SNX18: variants seen among roughly 807,000 people sequenced by gnomAD.
The protein encoded by SNX18 is sorting nexin 18.
Under a neutral mutation model 48.7 loss-of-function variants are expected in SNX18, and 35 were observed. The ratio of observed to expected loss-of-function variants is 0.72; its 90% CI spans 0.55 to 0.95. SNX18 has a LOEUF of 0.95. SNX18 is among the 40% of genes least tolerant of loss of function. SNX18 has a pLI of 0.00. For synonymous variants in SNX18, 492 were observed against 384.7 expected, an observed-to-expected ratio of 1.28 and a Z score of -3.26; for missense variants, 824 against 871.0, an observed-to-expected ratio of 0.95 and a Z score of 0.68.
At chr5:54,632,373 GTT>G in the SNX18 span, among the ~76,000 whole-genome samples, 1 of 152,212 alleles carries the variant, frequency 6.6e-6, no homozygotes, top group Non-Finnish European at 1.5e-5. Context: ...GGAATCTGGA[GTT>G]TTGACTGCCC....
In SNX18 at chr5:54,517,986, A is replaced by G. The variant is rs370346240; in HGVS notation, c.34A>G (p.Arg12Gly). The change falls in exon 1 of 2, where the codon AGG becomes GGG. Residue 12 changes from arginine to glycine, a missense_variant. Physicochemically the swap from Arg to Gly is moderately radical, Grantham distance 125. Around this residue, in one of 3 missense-constraint regions of SNX18, gnomAD observed 377 missense variants for 350.6 expected, o/e 1.08. Transcript: ENST00000381410. ...GCGCGCCCGGGCGCTGTACGACTTC[A>G]GGTCGGAGAACCCAGGAGAGATCTC... is the stretch of plus-strand genomic sequence containing the variant. Reference protein sequence around the residue: ...ALRARALYDFRSENPGEISLR... With the variant: ...ALRARALYDFGSENPGEISLR... 1.9e-5 allele frequency: 29 copies of G among 1,538,704 alleles called. No individual in the cohort carries two copies. The highest frequency in any genetic ancestry group is 2.5e-5 in the Non-Finnish European group (29 of 1,144,774).
the SNX18 span, among the ~76,000 whole-genome samples, chr5:54,579,490 A>C: frequency 6.6e-6 from 1 of 152,162 alleles, no homozygotes; most frequent in African/African-American, 2.4e-5. Context: ...TGAGCCAACA[A>C]GTTGATTTAA....
the SNX18 span, among the ~76,000 whole-genome samples, chr5:54,566,804 A>G: frequency 6.6e-6 from 1 of 152,226 alleles, no homozygotes; most frequent in East Asian, 1.9e-4. Context: ...CTAGGGACTC[A>G]TTACTGTGGA....
the SNX18 span, among the ~76,000 whole-genome samples, chr5:54,622,631 TTAAA>T: frequency 6.7e-6 from 1 of 148,150 alleles, no homozygotes; most frequent in African/African-American, 2.4e-5. Flanking sequence ...AGTATATATA[TTAAA>T]TAAATATATA....
the SNX18 span, among the ~76,000 whole-genome samples, chr5:54,610,264 G>A: frequency 6.6e-6 from 1 of 152,192 alleles, no homozygotes; most frequent in Admixed American, 6.5e-5. Flanking sequence ...CCACCCTTGT[G>A]TCACATCTGT....
At chr5:54,534,588 C>G (rs534794513) in intron 1 of SNX18, among the ~76,000 whole-genome samples, 7 of 149,588 alleles carry the variant, frequency 4.7e-5, no homozygotes, top group African/African-American at 1.7e-4. Context: ...TTTTTTCCCC[C>G]TGTCTCACTT....
chr5:54,530,797 G>A (rs1269719947), intron 1 of SNX18, among the ~76,000 whole-genome samples: 1 of 124,310 alleles, frequency 8.0e-6, no homozygotes, highest in African/African-American at 3.1e-5. Flanking sequence ...TGTTGCCCAG[G>A]CTGGAGTGCA....
the SNX18 span, among the ~76,000 whole-genome samples, chr5:54,610,857 C>T: frequency 0.34 from 51,407 of 152,006 alleles, 8,987 homozygotes; most frequent in African/African-American, 0.42. Context: ...CAGTTAGTAG[C>T]CTGACATTAG....
At chr5:54,602,979 C>G in the SNX18 span, among the ~76,000 whole-genome samples, 407 of 152,258 alleles carry the variant, frequency 2.7e-3, 4 homozygotes, top group African/African-American at 9.6e-3. Context: ...CTGCCCTGCT[C>G]ATACCTGACA....
At chr5:54,593,981 G>C in the SNX18 span, among the ~76,000 whole-genome samples, 1 of 152,156 alleles carries the variant, frequency 6.6e-6, no homozygotes, top group African/African-American at 2.4e-5. Flanking sequence ...ATTTCCTAGA[G>C]AGGCAACAGA....
At chr5:54,619,624 A>T in the SNX18 span, among the ~76,000 whole-genome samples, 1 of 152,266 alleles carries the variant, frequency 6.6e-6, no homozygotes, top group East Asian at 1.9e-4. Context: ...TGGAGAGGAG[A>T]AGAAAGTGCA....
intron 1 of SNX18, among the ~76,000 whole-genome samples, chr5:54,535,335 A>G (rs539394115): frequency 6.6e-6 from 1 of 152,326 alleles, no homozygotes; most frequent in Non-Finnish European, 1.5e-5. Flanking sequence ...AGTGGGGCAA[A>G]GTACCTTTCT....
the SNX18 span, among the ~76,000 whole-genome samples, chr5:54,599,358 C>A: frequency 6.6e-6 from 1 of 151,912 alleles, no homozygotes; most frequent in South Asian, 2.1e-4. Flanking sequence ...AAAAATATTC[C>A]GTGCTCATGG....
downstream of SNX18, among the ~76,000 whole-genome samples, chr5:54,550,961 TGGG>T (rs1480599743): frequency 6.6e-6 from 1 of 151,496 alleles, no homozygotes; most frequent in Non-Finnish European, 1.5e-5. Context: ...GGAATGGGAA[TGGG>T]GGGCAGGAGA....
chr5:54,522,626 C>G (rs1173219378), intron 1 of SNX18, among the ~76,000 whole-genome samples: 1 of 152,186 alleles, frequency 6.6e-6, no homozygotes, highest in Non-Finnish European at 1.5e-5. Flanking sequence ...CCCAAGCACT[C>G]AACCTGAGTG....
the SNX18 span, among the ~76,000 whole-genome samples, chr5:54,641,972 T>A: frequency 6.6e-6 from 1 of 152,204 alleles, no homozygotes; most frequent in East Asian, 1.9e-4. Flanking sequence ...ATTCAAGGAC[T>A]TCTTGAAAAA....
the SNX18 span, among the ~76,000 whole-genome samples, chr5:54,634,961 G>C: frequency 6.6e-6 from 1 of 152,004 alleles, no homozygotes; most frequent in African/African-American, 2.4e-5. Context: ...AGAACTACAA[G>C]CTATTGAACT....
chr5:54,577,981 TA>T, the SNX18 span, among the ~76,000 whole-genome samples: 10 of 152,160 alleles, frequency 6.6e-5, no homozygotes, highest in African/African-American at 2.4e-4. Flanking sequence ...GGTTGCTCAT[TA>T]TTACACAAAA....
chr5:54,632,718 A>G, the SNX18 span, among the ~76,000 whole-genome samples: 2 of 152,084 alleles, frequency 1.3e-5, no homozygotes, highest in Non-Finnish European at 1.5e-5. Flanking sequence ...CACTCTTTAT[A>G]TTTATCCAAG....
Sources: allele counts gnomAD v4.1 joint callset (sites outside exome capture counted in the v4.1 genomes callset), GRCh38; gene constraint gnomAD v4.1.1; regional missense constraint gnomAD v4.1.1; transcripts MANE v1.5; gene names NCBI Gene and HGNC (gene_info 2026-07-23, HGNC 2026-07-21).